The following WASHC4 variants were observed in gnomAD, a reference collection of about 807,000 sequenced individuals.
WASHC4 encodes the protein WASH complex subunit 4, also known as WASH complex subunit 7.
WASHC4 carries 86 observed loss-of-function variants against 166.6 expected under a neutral mutation model. That is an observed-to-expected ratio of 0.52 (90% CI 0.43 to 0.62). WASHC4 has a LOEUF of 0.62. WASHC4 is among the 20% of genes least tolerant of loss of function. WASHC4 has a pLI of 0.00. For synonymous variants in WASHC4, 446 were observed against 451.6 expected, an observed-to-expected ratio of 0.99 and a Z score of 0.16; for missense variants, 1,262 against 1,382.4, an observed-to-expected ratio of 0.91 and a Z score of 1.38.
chr12:105,145,989 C>T (rs1883261951), intron 22 of WASHC4, among the ~76,000 whole-genome samples: 1 of 151,928 alleles, frequency 6.6e-6, no homozygotes, highest in Admixed American at 6.6e-5. Flanking sequence ...TTTTTGTCAC[C>T]TGTGGAATTT....
rs534645555 is a variant in WASHC4 at position 105,156,927 on chromosome 12, TATTA to T, written c.2825+139_2825+142del. On this transcript the variant is annotated intron_variant, in intron 27 of 32. Coordinates refer to ENST00000332180, the MANE Select transcript of WASHC4 (RefSeq NM_015275.3). The stretch of plus-strand genomic sequence containing the variant: ...TTTGAGATAAAATATGGAAGAAAAC[TATTA>T]ATTCTACTAGATTTTTCTCAAATTT... The T allele has an allele frequency of 2.9e-4, 214 of 740,540 alleles. 1 individual carries two copies. The African/African-American group carries it at 3.2e-3, about 11-fold the overall frequency. 45.9% of individuals were successfully genotyped at this position (740,540 alleles called of 1,614,324 possible).
At chr12:105,159,910 C>T in intron 28 of WASHC4, 91 bp from the exon 29 acceptor site, 1 of 1,178,906 alleles carries the variant, frequency 8.5e-7, no homozygotes. Context: ...TCCTGCTTTT[C>T]AAGTGTTCTT....
intron 25 of WASHC4, among the ~76,000 whole-genome samples, chr12:105,150,865 C>T (rs1324649042): frequency 3.3e-5 from 2 of 61,072 alleles, no homozygotes; most frequent in Middle Eastern, 6.3e-3. Context: ...CCCAGCGAAG[C>T]GGGAAGCCCT....
chr12:105,147,348 T>C lies in WASHC4; in HGVS notation c.2514+202T>C, dbSNP rs914774676. The C allele has an allele frequency of 1.0e-5, 6 of 571,594 alleles. No homozygotes were observed. The African/African-American group carries it at 1.1e-4, about 11-fold the overall frequency. The allele number at this position is 571,594 out of a possible 1,614,324, so 35.4% of individuals were successfully genotyped here. ...ATGGGAGCTGTGATACAAAAGACAC[T>C]TTAGGGTAGATTACCATCTCAGAGC... On this transcript the variant is annotated intron_variant, in intron 24 of 32. Transcript: ENST00000332180.
At chr12:105,156,816 G>A (rs1303597822) in intron 27 of WASHC4, 24 bp downstream of exon 27, 1 of 1,585,428 alleles carries the variant, frequency 6.3e-7, no homozygotes, top group Admixed American at 1.7e-5. Flanking sequence ...CATCATTTTT[G>A]CCTTGTTTAT....
At chr12:105,112,401 G>A (rs1396132323) in intron 2 of WASHC4, among the ~76,000 whole-genome samples, 2 of 152,154 alleles carry the variant, frequency 1.3e-5, no homozygotes, top group Non-Finnish European at 2.9e-5. Flanking sequence ...TATAAAATGT[G>A]TGTACATTGT....
chr12:105,119,595 T>G (rs375914463), intron 7 of WASHC4, among the ~76,000 whole-genome samples: 133 of 152,272 alleles, frequency 8.7e-4, no homozygotes, highest in African/African-American at 3.1e-3. Context: ...GTCTTTTCAC[T>G]AAAGCTCTCA....
Position 105,115,667 on chromosome 12 carries a change from A to C in WASHC4, c.374A>C (p.Asp125Ala). The C allele has an allele frequency of 6.2e-7, 1 of 1,607,568 alleles. No individual in the cohort carries two copies. Among genetic ancestry groups the C allele is most frequent in the Non-Finnish European group, 8.5e-7 (1 of 1,174,254 alleles). Residue 125 changes from aspartate (D) to alanine (A), a missense_variant, in exon 6 of 33, where the codon GAT (aspartate) becomes GCT (alanine). Physicochemically the swap from Asp to Ala is moderately radical, Grantham distance 126. Transcript: ENST00000332180. ...GLLFYGEGATDASMVEGDCQI... is the reference protein window; with the variant it reads ...GLLFYGEGATAASMVEGDCQI... ...TTCATGTTGCCTTTTACAGCTACAG[A>C]TGCCAGCATGGTGGAAGGTGATTGC...
intron 1 of WASHC4, 34 bp from the exon 2 acceptor site, chr12:105,111,091 A>G: frequency 6.6e-7 from 1 of 1,521,006 alleles, no homozygotes; most frequent in South Asian, 1.1e-5. Context: ...CATTACTTGC[A>G]CTTATCACAT....
At chr12:105,143,087 G>A (rs1256743908) in intron 19 of WASHC4, 40 bp from the exon 20 acceptor site, 12 of 1,284,464 alleles carry the variant, frequency 9.3e-6, no homozygotes, top group Non-Finnish European at 1.2e-5. Context: ...TTAGAGACCT[G>A]GTTTTTCTAA....
At chr12:105,144,488 T>C (rs778014545) in intron 21 of WASHC4, 33 bp downstream of exon 21, 4 of 1,570,278 alleles carry the variant, frequency 2.5e-6, no homozygotes, top group Non-Finnish European at 3.5e-6. Flanking sequence ...TAGAGTCATA[T>C]TCTCTTTTTT....
At chr12:105,118,609 T>C (rs1361744941) in intron 7 of WASHC4, 81 bp downstream of exon 7, 3 of 851,576 alleles carry the variant, frequency 3.5e-6, no homozygotes, top group Non-Finnish European at 4.0e-6. Context: ...CTTGTAATAG[T>C]TTTTCTTTCA....
rs1016770838 is a variant in WASHC4 at position 105,120,714 on chromosome 12, GTGTGTGTGTT to G, written c.561+130_561+139del. 6.7e-6 allele frequency: 5 copies of G among 743,416 alleles called. 1 individual carries two copies. The African/African-American group carries it at 7.0e-5, about 10-fold the overall frequency. The allele number at this position is 743,416 out of a possible 1,614,324, so 46.1% of individuals were successfully genotyped here. A position where few individuals can be genotyped will look rare whatever the true frequency, so the allele number is the denominator to read the frequency against. On this transcript the variant is annotated intron_variant, in intron 8 of 32. Coordinates refer to ENST00000332180, the MANE Select transcript of WASHC4 (RefSeq NM_015275.3). ...AACACTCTTAAAGAGGCGTGTGTGTGTGTGTGTGTTTGTGTGTGTTTGCATTTGTTCTCTT... is the reference window on the plus strand; with the variant it reads ...AACACTCTTAAAGAGGCGTGTGTGTGTGTGTGTGTTTGCATTTGTTCTCTT...
chr12:105,162,816 C>T lies in WASHC4; in HGVS notation c.3128C>T (p.Ala1043Val), dbSNP rs1322880387. Residue 1043 changes from alanine (A) to valine (V), a missense_variant, in exon 30 of 33, where the codon GCT becomes GTT. Coordinates refer to ENST00000332180, the MANE Select transcript of WASHC4 (RefSeq NM_015275.3). ...EKLNKKNKIGAAFTDDGFAMG... is the reference protein window; with the variant it reads ...EKLNKKNKIGVAFTDDGFAMG... ...TTAAATAAAAAAAATAAAATTGGAGCTGCCTTTACTGATGATGGCTTTGCC... is the reference window on the plus strand; with the variant it reads ...TTAAATAAAAAAAATAAAATTGGAGTTGCCTTTACTGATGATGGCTTTGCC... The T allele has an allele frequency of 4.4e-6, 7 of 1,596,946 alleles. No individual in the cohort carries two copies. The highest frequency in any genetic ancestry group is 1.1e-5 in the South Asian group (1 of 90,320).
chr12:105,148,025 G>A, intron 24 of WASHC4: 1 of 985,296 alleles, frequency 1.0e-6, no homozygotes, highest in African/African-American at 1.7e-5. Context: ...GGTTTTCAGA[G>A]CACAGTTAAT....
Position 105,152,099 on chromosome 12 carries a change from CTAA to C in WASHC4, c.2650-239_2650-237del, listed in dbSNP as rs780112901. On this transcript the variant is annotated intron_variant, in intron 25 of 32. Coordinates refer to ENST00000332180, the MANE Select transcript of WASHC4 (RefSeq NM_015275.3). ...GTTAGAGTTGTTGGAGGTTAGGAGA[CTAA>C]TAATTGTGGTAGGGAAATTAGGTTA... Among the ~76,000 whole-genome samples the C allele has an allele frequency of 7.0e-4, 106 of 152,144 alleles. 1 individual carries two copies. Among genetic ancestry groups the C allele is most frequent in the South Asian group, 1.2e-3 (6 of 4,824 alleles).
chr12:105,108,206 C>T (rs1007630135), intron 1 of WASHC4, among the ~76,000 whole-genome samples: 3 of 152,228 alleles, frequency 2.0e-5, no homozygotes, highest in Non-Finnish European at 4.4e-5. Context: ...CAGGCTGCTT[C>T]TGTCTCTGGC....
intron 2 of WASHC4, among the ~76,000 whole-genome samples, chr12:105,113,066 C>G (rs573462380): frequency 2.0e-5 from 3 of 152,032 alleles, no homozygotes; most frequent in Non-Finnish European, 2.9e-5. Context: ...ATCATCCCCC[C>G]CCAAATTTGT....
chr12:105,140,148 G>A (rs1334972432), intron 15 of WASHC4, 146 bp from the exon 16 acceptor site: 2 of 645,690 alleles, frequency 3.1e-6, no homozygotes, highest in African/African-American at 3.6e-5. Context: ...TGGGATTACA[G>A]GCGTGAGCCA....
Sources: gnomAD v4.1 joint callset for allele counts (sites outside exome capture counted in the v4.1 genomes callset) on GRCh38, gnomAD v4.1.1 for gene constraint, MANE v1.5 for transcripts, NCBI Gene and HGNC (gene_info 2026-07-23, HGNC 2026-07-21) for gene names.